The following SNAP25 variants were observed in gnomAD, a reference collection of about 807,000 sequenced individuals.
SNAP25 encodes synaptosomal-associated protein 25.
Under a neutral mutation model 28.7 loss-of-function variants are expected in SNAP25, and 3 were observed. That is an observed-to-expected ratio of 0.10 (90% confidence interval 0.05 to 0.27). The LOEUF (loss-of-function observed/expected upper bound fraction) is 0.27, where lower values mean the gene tolerates loss of function less well. Ranked by LOEUF, SNAP25 falls within the 10% of genes least tolerant of loss-of-function variation. SNAP25 has a pLI of 1.00. For synonymous variants in SNAP25, 61 were observed against 88.1 expected (o/e 0.69, Z 1.72); for missense variants, 117 against 278.7 (o/e 0.42, Z 4.13).
Position 10,233,785 on chromosome 20 carries a change from C to T in SNAP25, c.-64+14808C>T, listed in dbSNP as rs141269716. 2.3e-3 allele frequency among the ~76,000 whole-genome samples: 347 copies of T among 152,272 alleles called. 1 individual carries two copies. Among genetic ancestry groups the T allele is most frequent in the African/African-American group, 6.9e-3 (287 of 41,560 alleles). On this transcript the variant is annotated intron_variant, in intron 1 of 7. Transcript: ENST00000254976. ...TCCCTTCTTGTCCTAGTATCTCAGG[C>T]GTCTGGTTTTCCTTCCTTTTTATTT...
At chr20:10,247,750 G>A (rs549642489) in intron 1 of SNAP25, among the ~76,000 whole-genome samples, 2 of 152,310 alleles carry the variant, frequency 1.3e-5, no homozygotes, top group African/African-American at 2.4e-5. Context: ...GGCAGAGCTC[G>A]GAGAGAGGAT....
At chr20:10,298,478 CCTT>C (rs1159082823) in intron 6 of SNAP25, among the ~76,000 whole-genome samples, 3 of 152,140 alleles carry the variant, frequency 2.0e-5, no homozygotes, top group Non-Finnish European at 4.4e-5. Flanking sequence ...ATAAGTACCT[CCTT>C]AACTTTCAAG....
At chr20:10,250,905 C>T (rs750725170) in intron 1 of SNAP25, among the ~76,000 whole-genome samples, 11 of 152,134 alleles carry the variant, frequency 7.2e-5, no homozygotes, top group Admixed American at 4.6e-4. Flanking sequence ...GATTTGTAGC[C>T]TGGGAGCAAT....
chr20:10,303,818 G>A (rs955682556), intron 7 of SNAP25, among the ~76,000 whole-genome samples: 1 of 152,178 alleles, frequency 6.6e-6, no homozygotes, highest in Non-Finnish European at 1.5e-5. Context: ...TAGGTTTCAT[G>A]CTGCATATAC....
chr20:10,263,752 T>C (rs1348462320), intron 1 of SNAP25, among the ~76,000 whole-genome samples: 2 of 152,212 alleles, frequency 1.3e-5, no homozygotes, highest in Non-Finnish European at 2.9e-5. Flanking sequence ...AAAGGTTTCT[T>C]GCGAGAGCTC....
chr20:10,257,625 C>T (rs1317095082), intron 1 of SNAP25, among the ~76,000 whole-genome samples: 5 of 151,738 alleles, frequency 3.3e-5, no homozygotes, highest in Non-Finnish European at 5.9e-5. Context: ...GCAGGAGAAT[C>T]GCTTGAACCC....
intron 1 of SNAP25, among the ~76,000 whole-genome samples, chr20:10,253,529 T>C (rs938840228): frequency 6.6e-5 from 10 of 152,160 alleles, no homozygotes; most frequent in Non-Finnish European, 1.5e-4. Context: ...AGTTATCACA[T>C]ACCAGGATCT....
chr20:10,236,959 C>CATACATAAATAA (rs1555786463), intron 1 of SNAP25, among the ~76,000 whole-genome samples: 2 of 146,498 alleles, frequency 1.4e-5, no homozygotes, highest in Non-Finnish European at 3.0e-5. Flanking sequence ...AAGGAAAATA[C>CATACATAAATAA]ATAAATAAAT....
At chr20:10,277,513 G>C (rs1363029239) in intron 2 of SNAP25, among the ~76,000 whole-genome samples, 172 bp from the exon 3 acceptor site, 1 of 152,206 alleles carries the variant, frequency 6.6e-6, no homozygotes, top group Admixed American at 6.5e-5. Flanking sequence ...TAAAAAGCCT[G>C]ATAGGAAAGA....
chr20:10,296,726 G>T (rs767953375), intron 5 of SNAP25, 199 bp from the exon 6 acceptor site: 1 of 632,030 alleles, frequency 1.6e-6, no homozygotes, highest in Non-Finnish European at 2.6e-6. Context: ...CAATGGATTC[G>T]ATTGGAAGTG....
Position 10,281,441 on chromosome 20 carries a change from A to G in SNAP25, c.115-3283A>G, listed in dbSNP as rs146077625. ...AAGTTCTAACATGTACCGAGGTGAA[A>G]TGTGCCAGATACTCTGCTTAGAGCT... On this transcript the variant is annotated intron_variant, in intron 3 of 7. Transcript: ENST00000254976. Among the ~76,000 whole-genome samples the G allele has an allele frequency of 5.0e-4, 76 of 152,318 alleles. 2 individuals are homozygous for G. The highest frequency in any genetic ancestry group is 2.1e-3 in the South Asian group (10 of 4,828).
chr20:10,274,596 C>A (rs902970500), intron 1 of SNAP25, among the ~76,000 whole-genome samples: 2 of 152,188 alleles, frequency 1.3e-5, no homozygotes, highest in Non-Finnish European at 2.9e-5. Flanking sequence ...GTAATCCCAG[C>A]ACTTTGGGAG....
intron 1 of SNAP25, among the ~76,000 whole-genome samples, chr20:10,257,587 C>T (rs764248449): frequency 5.9e-5 from 9 of 152,178 alleles, no homozygotes; most frequent in Non-Finnish European, 1.2e-4. Context: ...TGGTGCATGT[C>T]TGTAATCCCA....
chr20:10,287,264 C>T (rs868646323), intron 4 of SNAP25, among the ~76,000 whole-genome samples: 2 of 152,064 alleles, frequency 1.3e-5, no homozygotes, highest in Middle Eastern at 3.4e-3. Flanking sequence ...ACTCATCTGA[C>T]AAAGGGCTAA....
At chr20:10,227,027 A>C (rs2062745196) in intron 1 of SNAP25, among the ~76,000 whole-genome samples, 1 of 152,138 alleles carries the variant, frequency 6.6e-6, no homozygotes, top group East Asian at 1.9e-4. Context: ...TGACTAAGAA[A>C]GGATCCTTTG....
In SNAP25 at chr20:10,289,001, C is replaced by T. The variant is rs191718689; in HGVS notation, c.164-4160C>T. Reference sequence around the variant, plus strand: ...TTATGCTCTACTAATTTTGTTTATGCGTGAGCACCAAAAGTGTTGACTATT... The same window carrying T: ...TTATGCTCTACTAATTTTGTTTATGTGTGAGCACCAAAAGTGTTGACTATT... On this transcript the variant is annotated intron_variant, in intron 4 of 7. Transcript: ENST00000254976. Among the ~76,000 whole-genome samples, 63 of 152,210 alleles carry T rather than the reference C, an allele frequency of 4.1e-4. 1 individual carries two copies. The highest frequency in any genetic ancestry group is 5.8e-4 in the African/African-American group (24 of 41,524).
intron 1 of SNAP25, among the ~76,000 whole-genome samples, chr20:10,245,918 G>A (rs559346322): frequency 6.6e-6 from 1 of 152,290 alleles, no homozygotes; most frequent in Admixed American, 6.5e-5. Flanking sequence ...AATTGGCAGG[G>A]AGGAAAAGCA....
intron 1 of SNAP25, among the ~76,000 whole-genome samples, chr20:10,271,236 T>C (rs935020813): frequency 2.6e-5 from 4 of 152,336 alleles, no homozygotes; most frequent in Admixed American, 2.6e-4. Flanking sequence ...TTACTATTAA[T>C]AAACATCCTT....
intron 7 of SNAP25, among the ~76,000 whole-genome samples, chr20:10,305,225 A>G (rs2064326728): frequency 6.6e-6 from 1 of 152,140 alleles, no homozygotes; most frequent in Admixed American, 6.5e-5. Flanking sequence ...AAATCTCCAA[A>G]GCATTTTCCA....
Sources: gnomAD v4.1 joint callset for allele counts (sites outside exome capture counted in the v4.1 genomes callset) on GRCh38, gnomAD v4.1.1 for gene constraint, MANE v1.5 for transcripts, NCBI Gene and HGNC (gene_info 2026-07-23, HGNC 2026-07-21) for gene names.